The following KCMF1 variants were observed in gnomAD, a reference collection of about 807,000 sequenced individuals.
KCMF1 encodes the protein E3 ubiquitin-protein ligase KCMF1.
KCMF1 carries 3 observed loss-of-function variants against 41.1 expected under a neutral mutation model. That is an observed-to-expected ratio of 0.07 (90% CI 0.03 to 0.19). The LOEUF is 0.19. Ranked by LOEUF, KCMF1 falls within the 10% of genes least tolerant of loss-of-function variation. KCMF1 has a pLI of 1.00. For missense variants in KCMF1, 286 were observed against 488.9 expected, an observed-to-expected ratio of 0.58 and a Z score of 3.91; for synonymous variants, 142 against 164.5, an observed-to-expected ratio of 0.86 and a Z score of 1.04.
chr2:85,021,302 C>G (rs952479938), intron 1 of KCMF1, among the ~76,000 whole-genome samples: 3 of 152,144 alleles, frequency 2.0e-5, no homozygotes, highest in Non-Finnish European at 4.4e-5. Context: ...TTATTGAGAT[C>G]AAATTGTATT....
At chr2:84,989,345 A>G (rs1291073873) in intron 1 of KCMF1, among the ~76,000 whole-genome samples, 1 of 152,208 alleles carries the variant, frequency 6.6e-6, no homozygotes, top group African/African-American at 2.4e-5. Context: ...TAGTTGATGG[A>G]TTGCCAGGCT....
intron 1 of KCMF1, among the ~76,000 whole-genome samples, chr2:84,998,917 C>CCTAT (rs4019937): frequency 0.05 from 4,756 of 95,622 alleles, 126 homozygotes; most frequent in African/African-American, 0.064. Flanking sequence ...GGGCCTCTTA[C>CCTAT]CTATCTATCT....
intron 2 of KCMF1, among the ~76,000 whole-genome samples, chr2:85,031,153 C>T (rs1305370931): frequency 6.6e-6 from 1 of 152,186 alleles, no homozygotes; most frequent in African/African-American, 2.4e-5. Flanking sequence ...TTAGATTCAG[C>T]TTGTCAGTTT....
At chr2:85,046,392 G>C in intron 5 of KCMF1, 114 bp downstream of exon 5, 2 of 736,100 alleles carry the variant, frequency 2.7e-6, no homozygotes, top group South Asian at 4.0e-5. Context: ...CACTCTGGGA[G>C]GCTGGAGCGG....
chr2:85,013,030 C>G (rs932188360), intron 1 of KCMF1, among the ~76,000 whole-genome samples: 1 of 152,146 alleles, frequency 6.6e-6, no homozygotes, highest in Non-Finnish European at 1.5e-5. Context: ...TCAGGAACTG[C>G]TTGGTATGAA....
intron 1 of KCMF1, among the ~76,000 whole-genome samples, chr2:84,979,463 G>T (rs1467577917): frequency 1.3e-5 from 2 of 151,008 alleles, no homozygotes; most frequent in African/African-American, 4.9e-5. Flanking sequence ...GGCGGAGGTT[G>T]CAGTGAGCTG....
chr2:85,032,003 G>T (rs1412972563), intron 2 of KCMF1, among the ~76,000 whole-genome samples: 1 of 152,152 alleles, frequency 6.6e-6, no homozygotes, highest in Non-Finnish European at 1.5e-5. Flanking sequence ...CTCCAAAAGC[G>T]CTGGGATTAT....
chr2:84,973,128 G>GCT (rs1673445623), intron 1 of KCMF1, among the ~76,000 whole-genome samples: 1 of 152,200 alleles, frequency 6.6e-6, no homozygotes, highest in Non-Finnish European at 1.5e-5. Context: ...ATGGCTGCAA[G>GCT]CTCTCTTACT....
intron 1 of KCMF1, among the ~76,000 whole-genome samples, chr2:85,015,256 G>A (rs370239779): frequency 6.7e-6 from 1 of 149,038 alleles, no homozygotes; most frequent in Non-Finnish European, 1.5e-5. Flanking sequence ...CTAGGAAAAC[G>A]TCCCCTTCTT....
intron 1 of KCMF1, among the ~76,000 whole-genome samples, chr2:84,996,881 C>T (rs1286405762): frequency 1.3e-5 from 2 of 152,208 alleles, no homozygotes; most frequent in Middle Eastern, 3.4e-3. Flanking sequence ...GTGTGAACAT[C>T]ATAGAGTGTA....
chr2:84,994,931 CATTTTAATGAT>C lies in KCMF1; in HGVS notation c.16+23473_16+23483del, dbSNP rs200322987. On this transcript the variant is annotated intron_variant, in intron 1 of 6. Coordinates refer to ENST00000409785, the MANE Select transcript of KCMF1 (RefSeq NM_020122.5). Reference sequence around the variant, plus strand: ...ATAGTATTTCCCATATTTGGGATTGCATTTTAATGATATTTTAATACATTCTTTTCATCGCC... The same window carrying C: ...ATAGTATTTCCCATATTTGGGATTGCATTTTAATACATTCTTTTCATCGCC... Among the ~76,000 whole-genome samples the C allele has an allele frequency of 7.3e-3, 1,108 of 152,236 alleles. 7 individuals are homozygous for C. The highest frequency in any genetic ancestry group is 0.01 in the Middle Eastern group (3 of 294).
At chr2:84,992,816 T>G (rs1230421378) in intron 1 of KCMF1, among the ~76,000 whole-genome samples, 2 of 151,952 alleles carry the variant, frequency 1.3e-5, no homozygotes, top group Non-Finnish European at 2.9e-5. Context: ...GAGACGGGGT[T>G]TCACCGTGTT....
Position 85,031,426 on chromosome 2 carries a change from G to C in KCMF1, c.184+3370G>C, listed in dbSNP as rs1268682664. Among the ~76,000 whole-genome samples, 3 of 152,010 alleles carry C rather than the reference G, an allele frequency of 2.0e-5. No homozygotes were observed. In the South Asian group the frequency reaches 6.2e-4, roughly 31 times the overall value. Reference sequence around the variant, plus strand: ...CTTATGCTTTTTTTATCTTATAGTGGTACAAAAGCAATATATGTTCAGTAG... The same window carrying C: ...CTTATGCTTTTTTTATCTTATAGTGCTACAAAAGCAATATATGTTCAGTAG... On this transcript the variant is annotated intron_variant, in intron 2 of 6. Coordinates refer to ENST00000409785, the MANE Select transcript of KCMF1 (RefSeq NM_020122.5).
rs1573997696 is a variant in KCMF1, at chr2:84,971,351, C to T, written c.-101C>T. Reference sequence around the variant, plus strand: ...CGCCCCCGCGGCCGAGCCCGGGAGTCGAGTGGGAGTCGGCCGGCCGGCGCG... The same window carrying T: ...CGCCCCCGCGGCCGAGCCCGGGAGTTGAGTGGGAGTCGGCCGGCCGGCGCG... On this transcript the variant is annotated 5_prime_UTR_variant, in exon 1 of 7. Transcript: ENST00000409785. The T allele has an allele frequency of 4.5e-6, 3 of 660,678 alleles. No individual in the cohort carries two copies. Among genetic ancestry groups the T allele is most frequent in the Middle Eastern group, 6.8e-4 (1 of 1,460 alleles). The allele number at this position is 660,678 out of a possible 1,614,324, so 40.9% of individuals were successfully genotyped here.
At chr2:85,025,995 A>T (rs1196387055) in intron 1 of KCMF1, among the ~76,000 whole-genome samples, 1 of 151,134 alleles carries the variant, frequency 6.6e-6, no homozygotes, top group African/African-American at 2.4e-5. Flanking sequence ...TAACTTTTTT[A>T]AAAATATTTT....
chr2:84,975,756 T>G (rs1480944114), intron 1 of KCMF1, among the ~76,000 whole-genome samples: 1 of 152,348 alleles, frequency 6.6e-6, no homozygotes, highest in East Asian at 1.9e-4. Flanking sequence ...TTCAAATACA[T>G]TTAAAATGTA....
intron 1 of KCMF1, among the ~76,000 whole-genome samples, chr2:84,986,206 C>T (rs1463727429): frequency 2.0e-5 from 3 of 152,012 alleles, no homozygotes; most frequent in African/African-American, 7.2e-5. Context: ...AATTTTTCCT[C>T]CTAAAGTATG....
intron 5 of KCMF1, among the ~76,000 whole-genome samples, chr2:85,048,989 C>G (rs538289812): frequency 1.0e-3 from 154 of 152,280 alleles, no homozygotes; most frequent in Non-Finnish European, 1.7e-3. Flanking sequence ...AACAGTAGAC[C>G]TCATCCCTGC....
At chr2:85,008,277 A>C (rs75008393) in intron 1 of KCMF1, among the ~76,000 whole-genome samples, 1,076 of 91,332 alleles carry the variant, frequency 0.012, 33 homozygotes, top group African/African-American at 0.047. Context: ...TATAATATAT[A>C]ATATGATATA....
Sources: allele counts gnomAD v4.1 joint callset (sites outside exome capture counted in the v4.1 genomes callset), GRCh38; gene constraint gnomAD v4.1.1; transcripts MANE v1.5; gene names NCBI Gene and HGNC (gene_info 2026-07-23, HGNC 2026-07-21).